The following SH2D4A variants were observed in gnomAD, a reference collection of about 807,000 sequenced individuals.
SH2D4A encodes SH2 domain containing 4A, also known as SH2 domain-containing protein 4A.
A neutral mutation model predicts 64.7 loss-of-function variants in SH2D4A; 70 were observed. That is an observed-to-expected ratio of 1.08 (90% CI 0.89 to 1.32). The LOEUF is 1.32. Ranked by LOEUF, SH2D4A falls within the 40% of genes most tolerant of loss-of-function variation. The pLI is 0.00. For missense variants in SH2D4A, 706 were observed against 540.1 expected (o/e 1.31, Z -3.04); for synonymous variants, 268 against 200.7 (o/e 1.34, Z -2.83).
intron 4 of SH2D4A, among the ~76,000 whole-genome samples, chr8:19,344,650 A>C (rs968946779): frequency 6.6e-6 from 1 of 152,170 alleles, no homozygotes; most frequent in African/African-American, 2.4e-5. Context: ...CAAGTTTCAG[A>C]TTAGGGCGTG....
At chr8:19,348,807 G>A (rs934489535) in intron 4 of SH2D4A, among the ~76,000 whole-genome samples, 4 of 152,186 alleles carry the variant, frequency 2.6e-5, no homozygotes, top group South Asian at 2.1e-4. Context: ...GCGGAGGTGA[G>A]TACCGAGCTT....
rs1295660424 is a variant in SH2D4A at position 19,332,989 on chromosome 8, T to G, written c.216T>G (p.Ala72=). Residue 72 remains alanine, a synonymous_variant, in exon 3 of 10, where the codon GCT becomes GCG. Coordinates refer to ENST00000265807, the MANE Select transcript of SH2D4A (RefSeq NM_022071.4). The stretch of plus-strand genomic sequence containing the variant: ...AATCGGTTCATTGGAAACTTGGAGC[T>G]GATAAGGAAGTCTGGGTATGGGTGA... The part of the protein sequence containing the change: ...NGKSVHWKLG[A]DKEVWVWVMG... The G allele has an allele frequency of 1.8e-5, 29 of 1,613,402 alleles. No homozygotes were observed. The highest frequency in any genetic ancestry group is 2.4e-5 in the Non-Finnish European group (28 of 1,179,928).
chr8:19,349,718 G>A (rs1455217726), intron 4 of SH2D4A, among the ~76,000 whole-genome samples: 1 of 152,194 alleles, frequency 6.6e-6, no homozygotes, highest in Non-Finnish European at 1.5e-5. Flanking sequence ...GTTTTGTAAA[G>A]CATTACATAT....
Position 19,361,235 on chromosome 8 carries a change from A to G in SH2D4A, c.627A>G (p.Glu209=). 1.3e-6 allele frequency: 2 copies of G among 1,579,376 alleles called. No homozygotes were observed. The highest frequency in any genetic ancestry group is 1.4e-5 in the African/African-American group (1 of 73,760). ...AATCTATGAAGAAAAAACAAGATGA[A>G]GAAATAAATCAAATAGAAGAAGAGA... The part of the protein sequence containing the change: ...KKESMKKKQD[E]EINQIEEERT... The change falls in exon 6 of 10, where the codon GAA becomes GAG. Residue 209 remains glutamate, a synonymous_variant. Coordinates refer to ENST00000265807, the MANE Select transcript of SH2D4A (RefSeq NM_022071.4).
Position 19,361,185 on chromosome 8 carries a change from TG to T in SH2D4A, c.595-17del, listed in dbSNP as rs764758641. 20 of 1,420,416 alleles carry T rather than the reference TG, an allele frequency of 1.4e-5. No individual in the cohort carries two copies. In the South Asian group the frequency reaches 2.4e-4, roughly 17 times the overall value. 88.0% of individuals were successfully genotyped at this position (1,420,416 alleles called of 1,614,324 possible). A position where few individuals can be genotyped will look rare whatever the true frequency, so the allele number is the denominator to read the frequency against. ...GTTTTGTTTTGTTTTTGTTTTTTTT[TG>T]TTTTGTTTTTAAACAGAAGAAAGAA... On this transcript the variant is annotated splice_polypyrimidine_tract_variant and intron_variant, in intron 5 of 9. Transcript: ENST00000265807.
In SH2D4A at chr8:19,361,401, A is replaced by T. The variant is rs1446495225; in HGVS notation, c.706+87A>T. ...ATGTGATCAATCTAGAAAGCGCTTAATGTGGGTTGTTGAGAGATATGTTCA... is the reference window on the plus strand; with the variant it reads ...ATGTGATCAATCTAGAAAGCGCTTATTGTGGGTTGTTGAGAGATATGTTCA... On this transcript the variant is annotated intron_variant, in intron 6 of 9. Transcript: ENST00000265807. 3.8e-6 allele frequency: 5 copies of T among 1,326,956 alleles called. No individual in the cohort carries two copies. The African/African-American group carries it at 6.1e-5, about 16-fold the overall frequency. 82.2% of individuals were successfully genotyped at this position (1,326,956 alleles called of 1,614,324 possible).
intron 9 of SH2D4A, among the ~76,000 whole-genome samples, chr8:19,394,346 A>G (rs1055905580): frequency 3.9e-5 from 6 of 152,202 alleles, no homozygotes; most frequent in African/African-American, 1.2e-4. Flanking sequence ...ATGAGAATTC[A>G]TAGGCCTTAA....
At chr8:19,376,959 T>A (rs11990266) in intron 8 of SH2D4A, among the ~76,000 whole-genome samples, 2,641 of 152,282 alleles carry the variant, frequency 0.017, 83 homozygotes, top group African/African-American at 0.06. Context: ...ATTTTTCTTA[T>A]GGAATATTTT....
intron 4 of SH2D4A, among the ~76,000 whole-genome samples, chr8:19,343,195 C>T (rs1362233746): frequency 2.0e-5 from 3 of 152,028 alleles, no homozygotes; most frequent in African/African-American, 7.2e-5. Flanking sequence ...GAGGCCGAGG[C>T]AGGTGGATTA....
chr8:19,383,104 G>A (rs1016097181), intron 8 of SH2D4A, among the ~76,000 whole-genome samples: 2 of 151,828 alleles, frequency 1.3e-5, no homozygotes, highest in Admixed American at 1.3e-4. Flanking sequence ...ATAATGTCTT[G>A]CATCAAATTT....
intron 3 of SH2D4A, among the ~76,000 whole-genome samples, chr8:19,334,312 A>G (rs899719306): frequency 2.6e-5 from 4 of 152,178 alleles, no homozygotes; most frequent in Non-Finnish European, 5.9e-5. Context: ...ATCCATGGAC[A>G]TATGAAGATA....
intron 7 of SH2D4A, among the ~76,000 whole-genome samples, chr8:19,369,564 G>C (rs1258123138): frequency 6.6e-6 from 1 of 151,950 alleles, no homozygotes; most frequent in East Asian, 1.9e-4. Context: ...ATTTTGGTAG[G>C]TTGTATGTGT....
intron 7 of SH2D4A, among the ~76,000 whole-genome samples, chr8:19,370,367 A>C (rs2053074648): frequency 1.3e-5 from 2 of 151,952 alleles, no homozygotes; most frequent in African/African-American, 4.8e-5. Context: ...GTTGTATTGC[A>C]GTCTTTCTAT....
At position 19,364,077 on chromosome 8, in the gene SH2D4A, A is replaced by C. The variant is rs762112460; in HGVS notation, c.712A>C (p.Lys238Gln). 67 of 1,613,860 alleles carry C rather than the reference A, an allele frequency of 4.2e-5. No individual in the cohort carries two copies. Among genetic ancestry groups the C allele is most frequent in the Non-Finnish European group, 5.2e-5 (61 of 1,179,924 alleles). Residue 238 changes from lysine to glutamine, a missense_variant, in exon 7 of 10, where the codon AAA (lysine) becomes CAA (glutamine). Coordinates refer to ENST00000265807, the MANE Select transcript of SH2D4A (RefSeq NM_022071.4). ...EDSEWQASLRKSKAADEKRRS... is the reference protein window; with the variant it reads ...EDSEWQASLRQSKAADEKRRS... ...CGACCCCGTTGTTTTTCCAGTGCGA[A>C]AATCCAAAGCAGCTGATGAGAAGAG...
intron 2 of SH2D4A, among the ~76,000 whole-genome samples, chr8:19,325,121 G>C (rs895138198): frequency 2.0e-5 from 3 of 152,082 alleles, no homozygotes. Context: ...TCTCTATGAT[G>C]ATGGGTGGTA....
chr8:19,329,470 C>G (rs1188482217), intron 2 of SH2D4A, among the ~76,000 whole-genome samples: 3 of 152,128 alleles, frequency 2.0e-5, no homozygotes, highest in South Asian at 2.1e-4. Flanking sequence ...AGGACAGGGA[C>G]TACTAGAATG....
intron 8 of SH2D4A, among the ~76,000 whole-genome samples, chr8:19,375,821 G>T (rs746672585): frequency 6.6e-6 from 1 of 152,044 alleles, no homozygotes; most frequent in African/African-American, 2.4e-5. Flanking sequence ...TCCACATTGG[G>T]TTCATATATC....
chr8:19,332,823 G>T, intron 2 of SH2D4A, 132 bp from the exon 3 acceptor site: 1 of 689,348 alleles, frequency 1.5e-6, no homozygotes, highest in Non-Finnish European at 2.2e-6. Context: ...TGAGCAGTTG[G>T]AAGTTCTTTG....
chr8:19,381,678 C>T (rs2053295597), intron 8 of SH2D4A, among the ~76,000 whole-genome samples: 1 of 152,166 alleles, frequency 6.6e-6, no homozygotes, highest in Admixed American at 6.5e-5. Context: ...CTAGAACTTA[C>T]AGGAATAGTT....
Sources: allele counts gnomAD v4.1 joint callset (sites outside exome capture counted in the v4.1 genomes callset), GRCh38; gene constraint gnomAD v4.1.1; transcripts MANE v1.5; gene names NCBI Gene and HGNC (gene_info 2026-07-23, HGNC 2026-07-21).